Variants in DCDC1 observed in about 807,000 individuals in gnomAD.
DCDC1 encodes doublecortin domain-containing protein 1.
Under a neutral mutation model 178.3 loss-of-function variants are expected in DCDC1, and 200 were observed. The ratio of observed to expected loss-of-function variants is 1.12; its 90% confidence interval spans 1.00 to 1.26. DCDC1 has a LOEUF of 1.26. Ranked by LOEUF, DCDC1 falls within the 50% of genes most tolerant of loss-of-function variation. DCDC1 has a pLI of 0.00. For synonymous variants in DCDC1, 690 were observed against 604.8 expected, an observed-to-expected ratio of 1.14 and a Z score of -2.07; for missense variants, 1,983 against 1,749.2, an observed-to-expected ratio of 1.13 and a Z score of -2.38.
At position 31,026,662 on chromosome 11, in the gene DCDC1, C is replaced by T. The variant is rs1953258997; in HGVS notation, c.2591+37807G>A. 2.0e-5 allele frequency among the ~76,000 whole-genome samples: 3 copies of T among 151,682 alleles called. No individual in the cohort carries two copies. The South Asian group carries it at 6.2e-4, about 32-fold the overall frequency. Reference sequence around the variant, plus strand: ...GTCTCGTCATAACTACTTTGATGCGCTTTTTATTACTTATTTATTTACTTA... The same window carrying T: ...GTCTCGTCATAACTACTTTGATGCGTTTTTTATTACTTATTTATTTACTTA... On this transcript the variant is annotated intron_variant, in intron 20 of 38. Coordinates refer to ENST00000684477, the MANE Select transcript of DCDC1 (RefSeq NM_001387274.1).
At position 31,240,955 on chromosome 11, in the gene DCDC1, T is replaced by C. The variant is rs529094823; in HGVS notation, c.1221+495A>G. Among the ~76,000 whole-genome samples the C allele has an allele frequency of 5.9e-5, 9 of 152,146 alleles. No homozygotes were observed. In the South Asian group the frequency reaches 1.9e-3, roughly 32 times the overall value. On this transcript the variant is annotated intron_variant, in intron 9 of 38. Coordinates refer to ENST00000684477, the MANE Select transcript of DCDC1 (RefSeq NM_001387274.1). ...TTCAAATAAACTAACTCTGTTTCTA[T>C]ACTTTTGACTCCTGAAACAGACAAG...
chr11:31,203,476 G>A (rs1305321988), intron 9 of DCDC1, among the ~76,000 whole-genome samples: 5 of 152,146 alleles, frequency 3.3e-5, no homozygotes, highest in Non-Finnish European at 7.3e-5. Flanking sequence ...TATAACGGCT[G>A]CTCTAGATTC....
chr11:31,288,899 T>C (rs1947026110), intron 7 of DCDC1, among the ~76,000 whole-genome samples: 1 of 151,856 alleles, frequency 6.6e-6, no homozygotes, highest in Non-Finnish European at 1.5e-5. Flanking sequence ...ACACCCAAGA[T>C]CAGCATTTTG....
chr11:31,307,889 C>T lies in DCDC1; in HGVS notation c.184G>A (p.Ala62Thr), dbSNP rs774471244. Residue 62 changes from alanine to threonine, a missense_variant, in exon 4 of 39, where the codon GCA (alanine) becomes ACA (threonine). By Grantham distance (58) the Ala-to-Thr change is moderately conservative. Transcript: ENST00000684477. ...TCAGTAGTTTTAATAACTGCTTTTG[C>T]CTGGGATGACATAAACTCTCTGGAA... ...DLPREFMSSQAKAVIKTTDDY... is the reference protein window; with the variant it reads ...DLPREFMSSQTKAVIKTTDDY... 1.2e-6 allele frequency: 2 copies of T among 1,613,948 alleles called. No homozygotes were observed. Among genetic ancestry groups the T allele is most frequent in the African/African-American group, 1.3e-5 (1 of 74,996 alleles).
intron 9 of DCDC1, among the ~76,000 whole-genome samples, chr11:31,154,719 A>G (rs1317999915): frequency 6.6e-6 from 1 of 152,212 alleles, no homozygotes; most frequent in East Asian, 1.9e-4. Context: ...AAAGGAGGAT[A>G]AAGAGTCCAT....
chr11:30,919,648 T>C (rs1485605900), intron 25 of DCDC1, among the ~76,000 whole-genome samples: 2 of 152,210 alleles, frequency 1.3e-5, no homozygotes, highest in Non-Finnish European at 2.9e-5. Flanking sequence ...AAATGCCTTC[T>C]GGTGCCTTTG....
At chr11:31,190,903 T>C (rs1336800696) in intron 9 of DCDC1, among the ~76,000 whole-genome samples, 1 of 152,084 alleles carries the variant, frequency 6.6e-6, no homozygotes, top group African/African-American at 2.4e-5. Flanking sequence ...GAAAGAACTC[T>C]ACACACAGTC....
At chr11:31,268,559 CT>C (rs1393317224) in intron 7 of DCDC1, among the ~76,000 whole-genome samples, 2 of 152,154 alleles carry the variant, frequency 1.3e-5, no homozygotes, top group East Asian at 1.9e-4. Context: ...TACTTTCATT[CT>C]TTTTTATGGC....
At chr11:31,296,582 C>T (rs1301491807) in intron 6 of DCDC1, among the ~76,000 whole-genome samples, 1 of 152,150 alleles carries the variant, frequency 6.6e-6, no homozygotes, top group Non-Finnish European at 1.5e-5. Flanking sequence ...CGCTCCACTA[C>T]CTGGTACCAA....
chr11:31,270,279 AAGT>A (rs764063266), intron 7 of DCDC1, among the ~76,000 whole-genome samples: 7 of 152,250 alleles, frequency 4.6e-5, no homozygotes, highest in Non-Finnish European at 1.0e-4. Flanking sequence ...ATTCAAATTT[AAGT>A]ACTGTACATA....
chr11:31,281,080 T>C (rs1247452531), intron 7 of DCDC1: 3 of 441,904 alleles, frequency 6.8e-6, no homozygotes, highest in Non-Finnish European at 1.3e-5. Flanking sequence ...GTCACTAGCA[T>C]ATAGAATTTC....
At chr11:31,247,080 G>C (rs920034331) in intron 8 of DCDC1, among the ~76,000 whole-genome samples, 2 of 152,078 alleles carry the variant, frequency 1.3e-5, no homozygotes, top group Non-Finnish European at 2.9e-5. Flanking sequence ...GGATCAAACA[G>C]AATAGTGATG....
chr11:31,207,331 A>G (rs951979730), intron 9 of DCDC1, among the ~76,000 whole-genome samples: 2 of 152,252 alleles, frequency 1.3e-5, no homozygotes, highest in African/African-American at 4.8e-5. Context: ...AATTCTGATT[A>G]TAAAACATAC....
rs372424479 is a variant in DCDC1, at chr11:31,094,095, C to G, written c.2073G>C (p.Ala691=). Residue 691 remains alanine, a synonymous_variant, in exon 16 of 39, where the codon GCG becomes GCC. Transcript: ENST00000684477. ...GSEASSRSQI[A]PSILWPVASV... is the part of the protein sequence containing the mutation. ...TGGCTACAGGCCACAGGATCGATGG[C>G]GCTATTTGACTCCTGCTGCTTGCTT... 1 of 766,172 alleles carries G rather than the reference C, an allele frequency of 1.3e-6. No homozygotes were observed. The highest frequency in any genetic ancestry group is 2.4e-6 in the Non-Finnish European group (1 of 417,782). 47.5% of individuals were successfully genotyped at this position (766,172 alleles called of 1,614,324 possible).
chr11:31,290,872 G>A lies in DCDC1; in HGVS notation c.755-20C>T. ...GATGGTCTAGAAGATAATTTTTTAA[G>A]TCAAGTCAATATTTGGCTTCAAAAT... On this transcript the variant is annotated intron_variant, in intron 6 of 38. Coordinates refer to ENST00000684477, the MANE Select transcript of DCDC1 (RefSeq NM_001387274.1). 1 of 1,600,926 alleles carries A rather than the reference G, an allele frequency of 6.2e-7. No individual in the cohort carries two copies. Among genetic ancestry groups the A allele is most frequent in the Non-Finnish European group, 8.5e-7 (1 of 1,174,610 alleles).
intron 20 of DCDC1, among the ~76,000 whole-genome samples, chr11:30,988,846 C>T (rs1463764044): frequency 6.6e-6 from 1 of 152,214 alleles, no homozygotes; most frequent in African/African-American, 2.4e-5. Context: ...GATCTAGAGC[C>T]TTTCCACCAG....
intron 20 of DCDC1, among the ~76,000 whole-genome samples, chr11:31,018,085 G>C (rs533577686): frequency 6.4e-4 from 94 of 147,256 alleles, no homozygotes; most frequent in African/African-American, 2.3e-3. Context: ...CCACCCACCA[G>C]AAAAAAAAAA....
chr11:31,285,335 T>TA (rs1359246280), intron 7 of DCDC1, among the ~76,000 whole-genome samples: 1 of 152,182 alleles, frequency 6.6e-6, no homozygotes, highest in Non-Finnish European at 1.5e-5. Context: ...CTTTTCTTCA[T>TA]ATTTCATAAA....
chr11:31,167,378 T>C (rs1206491975), intron 9 of DCDC1, among the ~76,000 whole-genome samples: 3 of 152,192 alleles, frequency 2.0e-5, no homozygotes, highest in African/African-American at 7.2e-5. Flanking sequence ...ATAAAGCAAC[T>C]TTTCATTTGT....
Sources: allele counts gnomAD v4.1 joint callset (sites outside exome capture counted in the v4.1 genomes callset), GRCh38; gene constraint gnomAD v4.1.1; transcripts MANE v1.5; gene names NCBI Gene and HGNC (gene_info 2026-07-23, HGNC 2026-07-21).